The following DGKI variants were observed in gnomAD, a reference collection of about 807,000 sequenced individuals.
The protein encoded by DGKI is DAG kinase iota.
A neutral mutation model predicts 147.5 loss-of-function variants in DGKI; 55 were observed. The ratio of observed to expected loss-of-function variants is 0.37; its 90% confidence interval spans 0.30 to 0.47. The LOEUF is 0.47. Ranked by LOEUF, DGKI falls within the 20% of genes least tolerant of loss-of-function variation. The probability of loss-of-function intolerance (pLI) is 1.00; values close to 1 mark genes in which losing one functional copy is unlikely to be tolerated. For synonymous variants in DGKI, 469 were observed against 477.1 expected (o/e 0.98, Z 0.22); for missense variants, 1,007 against 1,323.8 (o/e 0.76, Z 3.71).
At chr7:137,699,759 T>G (rs1344452505) in intron 1 of DGKI, among the ~76,000 whole-genome samples, 1 of 152,046 alleles carries the variant, frequency 6.6e-6, no homozygotes, top group Non-Finnish European at 1.5e-5. Flanking sequence ...CACTCCCCAT[T>G]TCGATGCTAG....
At chr7:137,820,476 C>T (rs1371568072) in intron 1 of DGKI, among the ~76,000 whole-genome samples, 2 of 152,182 alleles carry the variant, frequency 1.3e-5, no homozygotes, top group Non-Finnish European at 2.9e-5. Flanking sequence ...AGCAGAGAAG[C>T]GCAGCTGGTG....
intron 1 of DGKI, among the ~76,000 whole-genome samples, chr7:137,805,094 T>C (rs1234385156): frequency 6.6e-6 from 1 of 152,222 alleles, no homozygotes; most frequent in Non-Finnish European, 1.5e-5. Flanking sequence ...TGTACTGATG[T>C]GTATTGAGTG....
At chr7:137,842,784 T>C (rs905759097) in intron 1 of DGKI, among the ~76,000 whole-genome samples, 1 of 152,102 alleles carries the variant, frequency 6.6e-6, no homozygotes, top group African/African-American at 2.4e-5. Flanking sequence ...TCTGAGATAG[T>C]AGAAGAGTTC....
chr7:137,779,944 A>G (rs956895197), intron 1 of DGKI, among the ~76,000 whole-genome samples: 1 of 152,200 alleles, frequency 6.6e-6, no homozygotes, highest in Admixed American at 6.5e-5. Flanking sequence ...ATCAGTGAAG[A>G]TAGAGAAAAT....
Position 137,441,992 on chromosome 7 carries a change from A to G in DGKI, c.2761+2085T>C, listed in dbSNP as rs1237701346. Among the ~76,000 whole-genome samples, 6 of 152,220 alleles carry G rather than the reference A, an allele frequency of 3.9e-5. No homozygotes were observed. In the East Asian group the frequency reaches 1.2e-3, roughly 29 times the overall value. On this transcript the variant is annotated intron_variant, in intron 28 of 32. Coordinates refer to ENST00000614521, the MANE Select transcript of DGKI (RefSeq NM_001321708.2). ...GAAGGAAATATATTTTGAGTGGTGG[A>G]TAGAAAATTCTGGTAATAAAGAAAA...
intron 6 of DGKI, among the ~76,000 whole-genome samples, chr7:137,638,744 A>G (rs1386953598): frequency 6.7e-6 from 1 of 149,778 alleles, no homozygotes; most frequent in East Asian, 2.0e-4. Context: ...TATGTAAATA[A>G]CTATAACATG....
chr7:137,438,237 A>C (rs1813356744), intron 28 of DGKI, among the ~76,000 whole-genome samples: 1 of 152,130 alleles, frequency 6.6e-6, no homozygotes, highest in Non-Finnish European at 1.5e-5. Flanking sequence ...AGAAGAACAC[A>C]ACCAACCAGG....
intron 1 of DGKI, among the ~76,000 whole-genome samples, chr7:137,742,855 A>G (rs914376256): frequency 2.0e-5 from 3 of 152,232 alleles, no homozygotes; most frequent in African/African-American, 7.2e-5. Context: ...AAAGATAAAA[A>G]TGGAAAAATC....
At chr7:137,816,342 T>C (rs753983152) in intron 1 of DGKI, among the ~76,000 whole-genome samples, 1 of 152,220 alleles carries the variant, frequency 6.6e-6, no homozygotes, top group Admixed American at 6.5e-5. Context: ...TTGGTTCATA[T>C]GTAGAATGGA....
intron 15 of DGKI, 149 bp downstream of exon 15, chr7:137,581,701 T>A: frequency 1.6e-6 from 1 of 637,668 alleles, no homozygotes; most frequent in East Asian, 2.7e-5. Flanking sequence ...TCCTGTCCTG[T>A]CTAGCTCCCA....
intron 6 of DGKI, among the ~76,000 whole-genome samples, chr7:137,643,323 G>A (rs1821713491): frequency 7.3e-6 from 1 of 137,026 alleles, no homozygotes; most frequent in Admixed American, 7.4e-5. Flanking sequence ...AAAAGTCTAT[G>A]AATATGAATA....
chr7:137,774,322 T>C (rs1330357954), intron 1 of DGKI, among the ~76,000 whole-genome samples: 1 of 152,134 alleles, frequency 6.6e-6, no homozygotes, highest in African/African-American at 2.4e-5. Context: ...AATCAAACTT[T>C]GAAATAGGTC....
At chr7:137,400,241 A>G (rs1811703329) in intron 30 of DGKI, among the ~76,000 whole-genome samples, 1 of 152,214 alleles carries the variant, frequency 6.6e-6, no homozygotes. Context: ...CCTCTTAAAG[A>G]GTGCCTGTCG....
chr7:137,411,734 T>G (rs965009562), intron 29 of DGKI, among the ~76,000 whole-genome samples: 3 of 152,170 alleles, frequency 2.0e-5, no homozygotes, highest in Admixed American at 1.3e-4. Context: ...GGGTTCTTGT[T>G]TGACTAACTA....
intron 15 of DGKI, among the ~76,000 whole-genome samples, chr7:137,578,813 G>A (rs796215071): frequency 7.2e-5 from 11 of 152,300 alleles, no homozygotes; most frequent in Admixed American, 2.0e-4. Flanking sequence ...CATGACTTCC[G>A]TAAGCTATGT....
chr7:137,452,438 A>T (rs1814006425), intron 27 of DGKI, among the ~76,000 whole-genome samples: 1 of 152,318 alleles, frequency 6.6e-6, no homozygotes, highest in South Asian at 2.1e-4. Context: ...GGCAAGCTAG[A>T]CACCGTGCTC....
At chr7:137,597,407 T>G (rs1819833889) in intron 12 of DGKI, among the ~76,000 whole-genome samples, 2 of 152,076 alleles carry the variant, frequency 1.3e-5, no homozygotes, top group Admixed American at 6.6e-5. Context: ...TTAATAATCT[T>G]TAAGGCAAAA....
At chr7:137,492,960 C>T (rs1815823071) in intron 21 of DGKI, among the ~76,000 whole-genome samples, 1 of 152,182 alleles carries the variant, frequency 6.6e-6, no homozygotes, top group South Asian at 2.1e-4. Context: ...CCACCCGCAC[C>T]CTCCCACCAC....
At chr7:137,587,895 T>G (rs1036102884) in intron 12 of DGKI, among the ~76,000 whole-genome samples, 4 of 152,218 alleles carry the variant, frequency 2.6e-5, no homozygotes, top group Admixed American at 2.6e-4. Context: ...TATACTAGAA[T>G]CATATCCCTG....
Sources: allele counts gnomAD v4.1 joint callset (sites outside exome capture counted in the v4.1 genomes callset), GRCh38; gene constraint gnomAD v4.1.1; transcripts MANE v1.5; gene names NCBI Gene and HGNC (gene_info 2026-07-23, HGNC 2026-07-21).